The following HMCN1 variants were observed in gnomAD, a reference collection of about 807,000 sequenced individuals.
HMCN1 encodes hemicentin-1.
A neutral mutation model predicts 625.9 loss-of-function variants in HMCN1; 321 were observed. That is an observed-to-expected ratio of 0.51 (90% CI 0.47 to 0.56). The LOEUF (loss-of-function observed/expected upper bound fraction) is 0.56. Among genes scored for constraint, HMCN1 ranks in the 20% least tolerant of loss-of-function variants. The pLI is 0.00. For synonymous variants in HMCN1, 2,425 were observed against 2,417.6 expected (o/e 1.00, Z -0.09); for missense variants, 6,588 against 6,887.3 (o/e 0.96, Z 1.54).
At chr1:185,956,173 C>G (rs1038517699) in intron 11 of HMCN1, among the ~76,000 whole-genome samples, 3 of 152,132 alleles carry the variant, frequency 2.0e-5, no homozygotes, top group Admixed American at 1.3e-4. Flanking sequence ...TACCGAACTT[C>G]ACTTCTGACA....
At chr1:185,839,062 C>T (rs1242726335) in intron 1 of HMCN1, among the ~76,000 whole-genome samples, 1 of 152,128 alleles carries the variant, frequency 6.6e-6, no homozygotes, top group Non-Finnish European at 1.5e-5. Context: ...GTTGTGGAAA[C>T]AATCAAAGCT....
At chr1:186,136,625 G>A (rs1173178667) in intron 86 of HMCN1, 43 bp from the exon 87 acceptor site, 1 of 1,597,794 alleles carries the variant, frequency 6.3e-7, no homozygotes, top group South Asian at 1.1e-5. Context: ...AAAAAATGCT[G>A]TAACTCCACA....
At chr1:186,012,516 A>T (rs2102120348) in intron 30 of HMCN1, among the ~76,000 whole-genome samples, 1 of 151,608 alleles carries the variant, frequency 6.6e-6, no homozygotes, top group African/African-American at 2.4e-5. Flanking sequence ...AAGTTGTCTT[A>T]AAAAAAAATT....
At chr1:186,127,929 G>A in intron 82 of HMCN1, 149 bp from the exon 83 acceptor site, 1 of 700,586 alleles carries the variant, frequency 1.4e-6, no homozygotes, top group Admixed American at 2.3e-5. Context: ...TTATGCAAAA[G>A]CTAACCTGAT....
chr1:186,166,382 T>C, intron 99 of HMCN1, 79 bp downstream of exon 99: 1 of 1,553,880 alleles, frequency 6.4e-7, no homozygotes, highest in South Asian at 1.1e-5. Context: ...ATAGACCCAT[T>C]ATCTTCTTTC....
chr1:186,001,063 C>G (rs1489202158), intron 26 of HMCN1, among the ~76,000 whole-genome samples: 1 of 151,924 alleles, frequency 6.6e-6, no homozygotes, highest in East Asian at 1.9e-4. Context: ...TTAAGCTTAT[C>G]CCAAATTTTA....
chr1:186,030,953 C>T (rs912941606), intron 36 of HMCN1, among the ~76,000 whole-genome samples: 4 of 151,760 alleles, frequency 2.6e-5, no homozygotes, highest in Non-Finnish European at 5.9e-5. Context: ...CTCTTTTGTG[C>T]TATTATTGTT....
chr1:185,909,284 T>C (rs1275443878), intron 4 of HMCN1, 53 bp from the exon 5 acceptor site: 1 of 1,431,186 alleles, frequency 7.0e-7, no homozygotes, highest in Non-Finnish European at 9.9e-7. Context: ...AGCAATGATA[T>C]AAAACTGCGA....
At chr1:186,138,386 A>G (rs1649756959) in intron 89 of HMCN1, among the ~76,000 whole-genome samples, 2 of 152,200 alleles carry the variant, frequency 1.3e-5, no homozygotes, top group South Asian at 4.1e-4. Flanking sequence ...TTCACTAAAT[A>G]CTTGCCACAT....
At chr1:185,920,730 T>C (rs907873995) in intron 6 of HMCN1, among the ~76,000 whole-genome samples, 1 of 152,158 alleles carries the variant, frequency 6.6e-6, no homozygotes, top group Non-Finnish European at 1.5e-5. Flanking sequence ...CCTTTGTTAG[T>C]TGATTTATGC....
At chr1:185,787,465 G>A (rs147708651) in intron 1 of HMCN1, among the ~76,000 whole-genome samples, 39 of 152,314 alleles carry the variant, frequency 2.6e-4, no homozygotes, top group African/African-American at 8.9e-4. Flanking sequence ...GAAGCTCATG[G>A]CATGCTAAGA....
At chr1:186,057,114 G>T in intron 45 of HMCN1, 120 bp from the exon 46 acceptor site, 1 of 799,612 alleles carries the variant, frequency 1.3e-6, no homozygotes. Context: ...ATCAGAAAAT[G>T]GAAGTCTTAT....
chr1:185,779,936 G>A (rs1299871973), intron 1 of HMCN1, among the ~76,000 whole-genome samples: 2 of 152,184 alleles, frequency 1.3e-5, no homozygotes, highest in Non-Finnish European at 2.9e-5. Context: ...ATTACCTTGG[G>A]CAATATGGCC....
At chr1:185,984,481 C>T (rs763504483) in intron 19 of HMCN1, among the ~76,000 whole-genome samples, 168 bp downstream of exon 19, 13 of 152,230 alleles carry the variant, frequency 8.5e-5, no homozygotes, top group Middle Eastern at 3.4e-3. Flanking sequence ...TCCAGATTTC[C>T]CTTTTTTATG....
intron 104 of HMCN1, among the ~76,000 whole-genome samples, chr1:186,179,732 T>G (rs147032554): frequency 7.6e-4 from 115 of 151,840 alleles, no homozygotes; most frequent in Non-Finnish European, 1.4e-3. Context: ...TGCTAAACAT[T>G]TTTTAAACAT....
intron 36 of HMCN1, among the ~76,000 whole-genome samples, chr1:186,034,096 A>G (rs1655660449): frequency 6.6e-6 from 1 of 152,230 alleles, no homozygotes; most frequent in Non-Finnish European, 1.5e-5. Flanking sequence ...AATCATAAGG[A>G]TTATTAAATG....
chr1:186,027,153 G>A (rs1416704950), intron 36 of HMCN1, among the ~76,000 whole-genome samples: 1 of 152,142 alleles, frequency 6.6e-6, no homozygotes, highest in Non-Finnish European at 1.5e-5. Flanking sequence ...CTGGTCTCCT[G>A]GACTAGGAGA....
chr1:185,986,444 T>G (rs1652004774), intron 19 of HMCN1, among the ~76,000 whole-genome samples: 1 of 152,176 alleles, frequency 6.6e-6, no homozygotes, highest in Admixed American at 6.5e-5. Context: ...TTTTATTGTC[T>G]TCTTCTCACT....
intron 1 of HMCN1, among the ~76,000 whole-genome samples, chr1:185,753,886 A>G (rs540807898): frequency 6.6e-6 from 1 of 152,194 alleles, no homozygotes; most frequent in Non-Finnish European, 1.5e-5. Flanking sequence ...CTAAAAATAG[A>G]ATTACCATCT....
Sources: gnomAD v4.1 joint callset for allele counts (sites outside exome capture counted in the v4.1 genomes callset) on GRCh38, gnomAD v4.1.1 for gene constraint, MANE v1.5 for transcripts, NCBI Gene and HGNC (gene_info 2026-07-23, HGNC 2026-07-21) for gene names.